Variants in MACROD2 observed in about 807,000 individuals in gnomAD.
MACROD2 encodes the protein ADP-ribose glycohydrolase MACROD2.
Under a neutral mutation model 70.4 loss-of-function variants are expected in MACROD2, and 36 were observed. The ratio of observed to expected loss-of-function variants is 0.51; its 90% CI spans 0.39 to 0.68. The LOEUF is 0.68. Ranked by LOEUF, MACROD2 falls within the 30% of genes least tolerant of loss-of-function variation. MACROD2 has a pLI of 0.00. For missense variants in MACROD2, 496 were observed against 538.4 expected (o/e 0.92, Z 0.78); for synonymous variants, 172 against 178.8 (o/e 0.96, Z 0.30).
At chr20:14,517,779 A>G (rs988405722) in intron 4 of MACROD2, among the ~76,000 whole-genome samples, 3 of 152,202 alleles carry the variant, frequency 2.0e-5, no homozygotes, top group African/African-American at 7.2e-5. Context: ...TATACTAAAA[A>G]AAGTATCCTT....
At chr20:15,552,359 A>T (rs568611128) in intron 8 of MACROD2, 1 of 152,324 alleles carries the variant, frequency 6.6e-6, no homozygotes, top group African/African-American at 2.4e-5. Context: ...TCTGGTCCTC[A>T]GAGAATCCTG....
intron 4 of MACROD2, among the ~76,000 whole-genome samples, chr20:14,575,174 A>G (rs1487463135): frequency 6.6e-6 from 1 of 151,994 alleles, no homozygotes; most frequent in Admixed American, 6.6e-5. Context: ...AAAATTTAAA[A>G]TATTTATTTA....
intron 5 of MACROD2, among the ~76,000 whole-genome samples, chr20:15,166,939 T>A (rs1239084317): frequency 2.3e-5 from 3 of 128,134 alleles, no homozygotes; most frequent in Admixed American, 8.5e-5. Context: ...TTTAAGTATT[T>A]AATTTAAGTA....
chr20:14,814,298 G>A (rs1266400445), intron 5 of MACROD2, among the ~76,000 whole-genome samples: 2 of 152,004 alleles, frequency 1.3e-5, no homozygotes, highest in Non-Finnish European at 2.9e-5. Flanking sequence ...TTTTCAGCTG[G>A]TCACAGCCAG....
chr20:14,742,683 A>T (rs985230731), intron 5 of MACROD2, among the ~76,000 whole-genome samples: 1 of 152,052 alleles, frequency 6.6e-6, no homozygotes, highest in Non-Finnish European at 1.5e-5. Context: ...TAATTCTAGG[A>T]AAAATATTGA....
intron 3 of MACROD2, among the ~76,000 whole-genome samples, chr20:14,226,701 G>T (rs992443056): frequency 6.6e-6 from 1 of 152,196 alleles, no homozygotes; most frequent in African/African-American, 2.4e-5. Flanking sequence ...CCAGCCCACC[G>T]GCGCTGTGCT....
intron 5 of MACROD2, among the ~76,000 whole-genome samples, chr20:14,969,161 T>TTTTATATATATATA (rs2074666755): frequency 6.8e-6 from 1 of 147,664 alleles, no homozygotes; most frequent in African/African-American, 2.5e-5. Flanking sequence ...TATCTCCAGT[T>TTTTATATATATATA]TATATATATA....
intron 6 of MACROD2, among the ~76,000 whole-genome samples, chr20:15,272,508 T>A (rs1035798201): frequency 6.6e-6 from 1 of 152,246 alleles, no homozygotes; most frequent in African/African-American, 2.4e-5. Context: ...TAAACTGTTT[T>A]CAGAACTGTC....
At chr20:15,344,989 G>A (rs896589563) in intron 6 of MACROD2, among the ~76,000 whole-genome samples, 7 of 152,172 alleles carry the variant, frequency 4.6e-5, no homozygotes, top group East Asian at 3.8e-4. Flanking sequence ...GGGTGCTGGC[G>A]TGGTTGAACT....
chr20:14,668,840 CT>C (rs570312957), intron 4 of MACROD2, among the ~76,000 whole-genome samples: 222 of 151,624 alleles, frequency 1.5e-3, no homozygotes, highest in Middle Eastern at 0.01. Context: ...TACACAAACA[CT>C]TTTTTTTAAA....
chr20:15,520,780 T>C (rs1019749116), intron 8 of MACROD2, among the ~76,000 whole-genome samples: 1 of 152,202 alleles, frequency 6.6e-6, no homozygotes, highest in African/African-American at 2.4e-5. Flanking sequence ...GGTTTAGATA[T>C]TCTCTGATCA....
chr20:14,020,852 T>C (rs2053066500), intron 2 of MACROD2, among the ~76,000 whole-genome samples: 1 of 152,206 alleles, frequency 6.6e-6, no homozygotes, highest in Admixed American at 6.5e-5. Context: ...TGTGATGGGT[T>C]ACTCTTTCAT....
chr20:15,631,516 G>A (rs543201711), intron 8 of MACROD2, among the ~76,000 whole-genome samples: 1 of 152,160 alleles, frequency 6.6e-6, no homozygotes, highest in African/African-American at 2.4e-5. Flanking sequence ...AAGTAAATGA[G>A]AACATTGTCC....
intron 6 of MACROD2, among the ~76,000 whole-genome samples, chr20:15,393,757 C>G (rs748122573): frequency 3.9e-5 from 6 of 152,118 alleles, no homozygotes; most frequent in Non-Finnish European, 8.8e-5. Context: ...GATAATCATT[C>G]CTTACTCACA....
chr20:15,478,721 T>C (rs2047055662), intron 7 of MACROD2, among the ~76,000 whole-genome samples: 1 of 152,170 alleles, frequency 6.6e-6, no homozygotes, highest in Non-Finnish European at 1.5e-5. Context: ...TCACAGTAAA[T>C]AAGGGAGTTG....
At chr20:15,796,929 A>AGC (rs2063678985) in intron 8 of MACROD2, among the ~76,000 whole-genome samples, 1 of 152,130 alleles carries the variant, frequency 6.6e-6, no homozygotes, top group Non-Finnish European at 1.5e-5. Context: ...TATATATACG[A>AGC]GCTAGGAGTG....
chr20:14,735,254 G>T (rs2071649617), intron 5 of MACROD2, among the ~76,000 whole-genome samples: 2 of 152,030 alleles, frequency 1.3e-5, no homozygotes, highest in African/African-American at 4.8e-5. Context: ...AGTCTATCTA[G>T]AATATATAAA....
At chr20:14,702,640 TATATATATACAC>T (rs1292858363) in intron 5 of MACROD2, among the ~76,000 whole-genome samples, 12 of 74,668 alleles carry the variant, frequency 1.6e-4, no homozygotes, top group South Asian at 6.5e-4. Context: ...TATATATGTA[TATATATATACAC>T]ATATATATGT....
At chr20:14,195,208 A>G (rs2081420052) in intron 3 of MACROD2, among the ~76,000 whole-genome samples, 1 of 152,150 alleles carries the variant, frequency 6.6e-6, no homozygotes, top group Non-Finnish European at 1.5e-5. Flanking sequence ...AGTTGCAAAA[A>G]GGGATATAAA....
Sources: gnomAD v4.1 joint callset for allele counts (sites outside exome capture counted in the v4.1 genomes callset) on GRCh38, gnomAD v4.1.1 for gene constraint, MANE v1.5 for transcripts, NCBI Gene and HGNC (gene_info 2026-07-23, HGNC 2026-07-21) for gene names.